Variants in SENP5 observed in about 807,000 individuals in gnomAD.
SENP5 encodes the protein SUMO specific peptidase 5.
SENP5 carries 21 observed loss-of-function variants against 74.2 expected under a neutral mutation model. The ratio of observed to expected loss-of-function variants is 0.28; its 90% CI spans 0.20 to 0.41. SENP5 has a LOEUF of 0.41. Ranked by LOEUF, SENP5 falls within the 10% of genes least tolerant of loss-of-function variation. The pLI is 1.00. For missense variants in SENP5, 717 were observed against 889.1 expected (o/e 0.81, Z 2.46); for synonymous variants, 311 against 312.7 (o/e 0.99, Z 0.06).
chr3:196,929,985 C>CAGAAAA (rs375450550), intron 9 of SENP5, among the ~76,000 whole-genome samples: 1 of 77,796 alleles, frequency 1.3e-5, no homozygotes, highest in African/African-American at 5.3e-5. Context: ...TTGGCATTTG[C>CAGAAAA]ATAAAAAAAA....
rs1716096218 is a variant in SENP5 at position 196,933,013 on chromosome 3, G to GTTTTGTTTTT, written c.*2094_*2095insGTTTTTTTTT. 2 of 112,182 alleles carry GTTTTGTTTTT rather than the reference G, an allele frequency of 1.8e-5. No individual in the cohort carries two copies. The highest frequency in any genetic ancestry group is 3.6e-5 in the African/African-American group (1 of 28,138). 6.9% of individuals were successfully genotyped at this position (112,182 alleles called of 1,614,324 possible). A position where few individuals can be genotyped will look rare whatever the true frequency, so the allele number is the denominator to read the frequency against. The stretch of plus-strand genomic sequence containing the variant: ...GGCTTAGACTAAATGTTGAGTTTGG[G>GTTTTGTTTTT]TTTTTTGTTTTTTTTTTTTTTTGAG... On this transcript the variant is annotated 3_prime_UTR_variant, in exon 10 of 10. Coordinates refer to ENST00000323460, the MANE Select transcript of SENP5 (RefSeq NM_152699.5).
chr3:196,880,495 T>C (rs919981305), intron 1 of SENP5, among the ~76,000 whole-genome samples: 2 of 151,436 alleles, frequency 1.3e-5, no homozygotes, highest in Non-Finnish European at 2.9e-5. Context: ...CACATGACTT[T>C]TCTTTTTCTG....
chr3:196,892,555 ACT>A, intron 2 of SENP5, among the ~76,000 whole-genome samples: 1 of 152,172 alleles, frequency 6.6e-6, no homozygotes, highest in Non-Finnish European at 1.5e-5. Flanking sequence ...CATATCCATC[ACT>A]CACTTCGTCG....
chr3:196,918,260 T>C (rs992300087), intron 6 of SENP5, among the ~76,000 whole-genome samples: 1 of 151,384 alleles, frequency 6.6e-6, no homozygotes, highest in Non-Finnish European at 1.5e-5. Context: ...TGAGCCCTGA[T>C]TGTGCCACTG....
chr3:196,894,841 A>T (rs1000892003), intron 2 of SENP5, among the ~76,000 whole-genome samples: 10 of 152,160 alleles, frequency 6.6e-5, no homozygotes, highest in African/African-American at 1.9e-4. Flanking sequence ...GTAATCTTTT[A>T]AAAAAGTATG....
chr3:196,883,111 C>A (rs887256570), intron 1 of SENP5, among the ~76,000 whole-genome samples: 1 of 151,904 alleles, frequency 6.6e-6, no homozygotes, highest in Non-Finnish European at 1.5e-5. Flanking sequence ...TGCAGACTTT[C>A]CATTTTACTC....
chr3:196,892,473 TC>T (rs1163760226), intron 2 of SENP5, among the ~76,000 whole-genome samples: 4 of 152,192 alleles, frequency 2.6e-5, no homozygotes, highest in Non-Finnish European at 4.4e-5. Context: ...TTGACAAAAT[TC>T]TATATATTTA....
At chr3:196,905,156 A>C (rs1256518851) in intron 6 of SENP5, 1 of 152,192 alleles carries the variant, frequency 6.6e-6, no homozygotes, top group Non-Finnish European at 1.5e-5. Context: ...TGCCCGCCTC[A>C]GCCTCCCAAA....
At chr3:196,893,665 T>C (rs2108827604) in intron 2 of SENP5, among the ~76,000 whole-genome samples, 1 of 152,204 alleles carries the variant, frequency 6.6e-6, no homozygotes, top group Non-Finnish European at 1.5e-5. Flanking sequence ...ATCCCAGCAC[T>C]TTGGGAGGCC....
intron 2 of SENP5, among the ~76,000 whole-genome samples, chr3:196,896,516 A>G (rs137876586): frequency 4.6e-4 from 70 of 152,310 alleles, no homozygotes; most frequent in African/African-American, 1.7e-3. Context: ...GTGCAGTGGC[A>G]TAATCTCGGC....
intron 6 of SENP5, among the ~76,000 whole-genome samples, chr3:196,915,654 G>A (rs1715336722): frequency 2.0e-5 from 3 of 152,180 alleles, no homozygotes; most frequent in Non-Finnish European, 2.9e-5. Context: ...AGCTGTGGTA[G>A]CCATGGGAGT....
chr3:196,931,379 G>A lies in SENP5; in HGVS notation c.*456G>A, dbSNP rs1716032385. ...CCTGGGGCATTAAGGGTAGCTGGGG[G>A]TGGTTTTGACAAATCCAGTCCTGTT... On this transcript the variant is annotated 3_prime_UTR_variant, in exon 10 of 10. Transcript: ENST00000323460. 1.2e-5 allele frequency: 2 copies of A among 163,896 alleles called. No homozygotes were observed. The highest frequency in any genetic ancestry group is 2.6e-5 in the Non-Finnish European group (2 of 75,702). 10.2% of individuals were successfully genotyped at this position (163,896 alleles called of 1,614,324 possible).
chr3:196,886,712 A>G lies in SENP5; in HGVS notation c.1513+18A>G. 1 of 1,507,882 alleles carries G rather than the reference A, an allele frequency of 6.6e-7. No individual in the cohort carries two copies. The highest frequency in any genetic ancestry group is 8.9e-7 in the Non-Finnish European group (1 of 1,129,634). The allele number at this position is 1,507,882 out of a possible 1,614,324, so 93.4% of individuals were successfully genotyped here. Reference sequence around the variant, plus strand: ...TCTTTCTGGTATGCACTTTTCCTTTATTCTCCCTCAAACTCCAAGCTCACA... The same window carrying G: ...TCTTTCTGGTATGCACTTTTCCTTTGTTCTCCCTCAAACTCCAAGCTCACA... On this transcript the variant is annotated intron_variant, in intron 2 of 9. Transcript: ENST00000323460.
chr3:196,926,254 C>T (rs1577849159), intron 7 of SENP5, among the ~76,000 whole-genome samples: 2 of 152,056 alleles, frequency 1.3e-5, no homozygotes, highest in South Asian at 2.1e-4. Context: ...GAGGCTGAGG[C>T]GGGCGGATCA....
chr3:196,911,398 A>C (rs774268160), intron 6 of SENP5, among the ~76,000 whole-genome samples: 3 of 152,178 alleles, frequency 2.0e-5, no homozygotes, highest in Non-Finnish European at 2.9e-5. Context: ...GGCAAAGGAT[A>C]TGAACAGACA....
chr3:196,889,693 A>G (rs1217803526), intron 2 of SENP5, among the ~76,000 whole-genome samples: 1 of 152,230 alleles, frequency 6.6e-6, no homozygotes, highest in African/African-American at 2.4e-5. Context: ...AAAAAATATT[A>G]AAAACACATG....
At chr3:196,883,107 CT>C (rs1047246980) in intron 1 of SENP5, among the ~76,000 whole-genome samples, 1 of 151,632 alleles carries the variant, frequency 6.6e-6, no homozygotes, top group African/African-American at 2.4e-5. Flanking sequence ...TGTCTGCAGA[CT>C]TTCCATTTTA....
At chr3:196,870,173 CTG>C (rs1296919047) in intron 1 of SENP5, among the ~76,000 whole-genome samples, 3 of 152,154 alleles carry the variant, frequency 2.0e-5, no homozygotes, top group African/African-American at 7.2e-5. Context: ...AGATTGTACT[CTG>C]TCACTGATTT....
At position 196,930,992 on chromosome 3, in the gene SENP5, A is replaced by G; in HGVS notation, c.*69A>G. On this transcript the variant is annotated 3_prime_UTR_variant, in exon 10 of 10. Transcript: ENST00000323460. ...TGGTTTGTTACTTGAATCTCCAAACACTTAGTTGAATTTTTACAGATATTT... is the reference window on the plus strand; with the variant it reads ...TGGTTTGTTACTTGAATCTCCAAACGCTTAGTTGAATTTTTACAGATATTT... The G allele has an allele frequency of 5.3e-6, 5 of 950,168 alleles. No homozygotes were observed. The highest frequency in any genetic ancestry group is 8.6e-6 in the Non-Finnish European group (5 of 584,742). 58.9% of individuals were successfully genotyped at this position (950,168 alleles called of 1,614,324 possible). A position where few individuals can be genotyped will look rare whatever the true frequency, so the allele number is the denominator to read the frequency against.
Sources: allele counts gnomAD v4.1 joint callset (sites outside exome capture counted in the v4.1 genomes callset), GRCh38; gene constraint gnomAD v4.1.1; transcripts MANE v1.5; gene names NCBI Gene and HGNC (gene_info 2026-07-23, HGNC 2026-07-21).